The following IPO11 variants were observed in gnomAD, a reference collection of about 807,000 sequenced individuals.
The protein encoded by IPO11 is importin 11.
Under a neutral mutation model 143.2 loss-of-function variants are expected in IPO11, and 66 were observed. The observed-to-expected ratio is 0.46, with a 90% CI of 0.38 to 0.57. The LOEUF (loss-of-function observed/expected upper bound fraction) is 0.57. Ranked by LOEUF, IPO11 falls within the 20% of genes least tolerant of loss-of-function variation. The pLI, the probability that IPO11 is intolerant of heterozygous loss-of-function variation, is 0.00. For missense variants in IPO11, 1,026 were observed against 1,141.0 expected (o/e 0.90, Z 1.45); for synonymous variants, 385 against 377.8 (o/e 1.02, Z -0.22).
chr5:62,462,749 A>T (rs1745408300), intron 5 of IPO11, among the ~76,000 whole-genome samples: 1 of 152,106 alleles, frequency 6.6e-6, no homozygotes, highest in African/African-American at 2.4e-5. Flanking sequence ...GTGGTTATGT[A>T]GGGTGGCAAA....
intron 2 of IPO11, among the ~76,000 whole-genome samples, chr5:62,438,604 T>C (rs377077645): frequency 6.1e-4 from 93 of 151,588 alleles, no homozygotes; most frequent in Non-Finnish European, 1.2e-3. Context: ...AATACAAAAT[T>C]AGCCAGGTGT....
chr5:62,449,229 C>T lies in IPO11; in HGVS notation c.240-698C>T, dbSNP rs116089796. ...TTTTAAAATTAACAACACATTCATA[C>T]GTATGTATTCAACATGTATACAGTC... On this transcript the variant is annotated intron_variant, in intron 3 of 29. Transcript: ENST00000325324. 7.3e-3 allele frequency among the ~76,000 whole-genome samples: 1,108 copies of T among 152,268 alleles called. 14 individuals are homozygous for T. Among genetic ancestry groups the T allele is most frequent in the African/African-American group, 0.025 (1,039 of 41,562 alleles).
intron 1 of IPO11, among the ~76,000 whole-genome samples, chr5:62,415,428 G>T (rs1232455618): frequency 1.3e-5 from 2 of 148,978 alleles, no homozygotes; most frequent in Non-Finnish European, 3.0e-5. Context: ...CTCCCAAAGT[G>T]CTGGGATTAC....
intron 16 of IPO11, among the ~76,000 whole-genome samples, chr5:62,501,416 GAAGA>G (rs1741345062): frequency 6.6e-6 from 1 of 152,090 alleles, no homozygotes. Flanking sequence ...CTAAAACCAA[GAAGA>G]AAGGAAACCT....
At chr5:62,590,168 G>T (rs1418268536) in intron 27 of IPO11, among the ~76,000 whole-genome samples, 1 of 152,214 alleles carries the variant, frequency 6.6e-6, no homozygotes, top group Non-Finnish European at 1.5e-5. Context: ...TTGCTCAGGG[G>T]CTGTTCCAGT....
intron 27 of IPO11, among the ~76,000 whole-genome samples, chr5:62,566,587 A>G (rs1743946979): frequency 1.3e-5 from 2 of 151,922 alleles, no homozygotes; most frequent in Admixed American, 1.3e-4. Context: ...CAATACAGAA[A>G]ACTAACTGGG....
rs142513081 is a variant in IPO11 at position 62,520,646 on chromosome 5, A to G, written c.1896+5145A>G. On this transcript the variant is annotated intron_variant, in intron 20 of 29. Transcript: ENST00000325324. ...GTGTTTGGTTTTCTGTCCTTGCGAT[A>G]GTTTGTTCAGAATGATGGTTTCCAG... Among the ~76,000 whole-genome samples, 1,078 of 152,236 alleles carry G rather than the reference A, an allele frequency of 7.1e-3. 13 individuals carry two copies. Among genetic ancestry groups the G allele is most frequent in the African/African-American group, 0.024 (1,016 of 41,524 alleles).
At chr5:62,607,610 G>A (rs562255219) in intron 29 of IPO11, among the ~76,000 whole-genome samples, 6 of 152,174 alleles carry the variant, frequency 3.9e-5, no homozygotes, top group Non-Finnish European at 8.8e-5. Context: ...CATATTGGTG[G>A]CTTCAGAACT....
intron 29 of IPO11, among the ~76,000 whole-genome samples, chr5:62,604,385 A>G (rs1745622256): frequency 6.6e-6 from 1 of 151,730 alleles, no homozygotes; most frequent in Non-Finnish European, 1.5e-5. Context: ...ATTTTTTTGT[A>G]TTTTTAGTGG....
intron 27 of IPO11, chr5:62,580,840 C>G (rs1374717489): frequency 1.3e-6 from 2 of 1,551,318 alleles, no homozygotes. Flanking sequence ...TAGATTTTTT[C>G]AAGAGAATGC....
chr5:62,483,766 G>T (rs375911852), intron 10 of IPO11, among the ~76,000 whole-genome samples: 1 of 152,118 alleles, frequency 6.6e-6, no homozygotes, highest in African/African-American at 2.4e-5. Context: ...TTATGAGGAA[G>T]TTATTTCAGT....
chr5:62,623,070 C>T (rs1746431570), intron 29 of IPO11, among the ~76,000 whole-genome samples: 1 of 152,162 alleles, frequency 6.6e-6, no homozygotes, highest in Non-Finnish European at 1.5e-5. Context: ...AGTTTATATC[C>T]AACAGATCTT....
At chr5:62,460,086 C>A (rs1158193300) in intron 5 of IPO11, among the ~76,000 whole-genome samples, 1 of 151,842 alleles carries the variant, frequency 6.6e-6, no homozygotes, top group African/African-American at 2.4e-5. Context: ...TAACTAAATT[C>A]TTCAACATTT....
chr5:62,578,003 A>C (rs1475375089), intron 27 of IPO11, among the ~76,000 whole-genome samples: 1 of 152,132 alleles, frequency 6.6e-6, no homozygotes, highest in Non-Finnish European at 1.5e-5. Flanking sequence ...CCGATTCTTT[A>C]AATTCTTGAA....
At chr5:62,530,670 G>A in intron 21 of IPO11, 39 bp from the exon 22 acceptor site, 4 of 1,281,602 alleles carry the variant, frequency 3.1e-6, no homozygotes, top group Non-Finnish European at 4.5e-6. Context: ...GCTTTAATGG[G>A]CATGGAAAGT....
At chr5:62,533,379 T>G (rs972601499) in intron 22 of IPO11, among the ~76,000 whole-genome samples, 2 of 151,928 alleles carry the variant, frequency 1.3e-5, no homozygotes, top group African/African-American at 4.8e-5. Flanking sequence ...CCCAGCTAAT[T>G]TTTTGTATTT....
At chr5:62,560,194 G>A (rs1236808260) in intron 26 of IPO11, among the ~76,000 whole-genome samples, 2 of 152,094 alleles carry the variant, frequency 1.3e-5, no homozygotes, top group Admixed American at 6.6e-5. Context: ...CAGAAATCAG[G>A]AGGCCTTCCC....
intron 20 of IPO11, among the ~76,000 whole-genome samples, chr5:62,522,632 A>G (rs1742241232): frequency 6.6e-6 from 1 of 152,020 alleles, no homozygotes; most frequent in Non-Finnish European, 1.5e-5. Context: ...GTTTTGTAGG[A>G]GAATGTTTTC....
chr5:62,441,496 C>CTTTTTT lies in IPO11; in HGVS notation c.139-1458_139-1453dup, dbSNP rs995019567. ...ACAGGCATGAGCCACTGTGCCTGGC[C>CTTTTTT]TTTTTTTTTTTTTTTTTTTTTTTTT... On this transcript the variant is annotated intron_variant, in intron 2 of 29. Coordinates refer to ENST00000325324, the MANE Select transcript of IPO11 (RefSeq NM_016338.5). 3.0e-4 allele frequency among the ~76,000 whole-genome samples: 14 copies of CTTTTTT among 47,378 alleles called. 1 individual carries two copies. Among genetic ancestry groups the CTTTTTT allele is most frequent in the East Asian group, 8.5e-4 (1 of 1,172 alleles). The allele number at this position is 47,378 out of a possible 152,430, so 31.1% of individuals were successfully genotyped here. A position where few individuals can be genotyped will look rare whatever the true frequency, so the allele number is the denominator to read the frequency against.
Sources: gnomAD v4.1 joint callset for allele counts (sites outside exome capture counted in the v4.1 genomes callset) on GRCh38, gnomAD v4.1.1 for gene constraint, MANE v1.5 for transcripts, NCBI Gene and HGNC (gene_info 2026-07-23, HGNC 2026-07-21) for gene names.